Variants in SLC6A20 observed in about 807,000 individuals in gnomAD.
SLC6A20 encodes the protein sodium- and chloride-dependent transporter XTRP3.
A neutral mutation model predicts 64.3 loss-of-function variants in SLC6A20; 73 were observed. The ratio of observed to expected loss-of-function variants is 1.14; its 90% CI spans 0.94 to 1.38. SLC6A20 has a LOEUF of 1.38. Ranked by LOEUF, SLC6A20 falls within the 40% of genes most tolerant of loss-of-function variation. The pLI is 0.00. For missense variants in SLC6A20, 725 were observed against 772.8 expected, an observed-to-expected ratio of 0.94 and a Z score of 0.73; for synonymous variants, 347 against 329.6, an observed-to-expected ratio of 1.05 and a Z score of -0.57.
rs2125714890 is a variant in SLC6A20, at chr3:45,758,444, T to C, written c.*534A>G. 1.6e-6 allele frequency: 2 copies of C among 1,270,474 alleles called. No homozygotes were observed. Among genetic ancestry groups the C allele is most frequent in the South Asian group, 2.6e-5 (2 of 77,670 alleles). 78.7% of individuals were successfully genotyped at this position (1,270,474 alleles called of 1,614,324 possible). A position where few individuals can be genotyped will look rare whatever the true frequency, so the allele number is the denominator to read the frequency against. ...GACAAAGATCTTCTTTCTTTATAAC[T>C]TGTCATCCTAAGATTTAAAGGGTGG... On this transcript the variant is annotated 3_prime_UTR_variant, in exon 11 of 11. Coordinates refer to ENST00000358525, the MANE Select transcript of SLC6A20 (RefSeq NM_020208.4).
At chr3:45,783,850 G>C (rs1328205990) in intron 1 of SLC6A20, among the ~76,000 whole-genome samples, 4 of 152,196 alleles carry the variant, frequency 2.6e-5, no homozygotes, top group Admixed American at 2.6e-4. Flanking sequence ...TCTAGGCCAG[G>C]CTCCCTTCCT....
At position 45,756,621 on chromosome 3, in the gene SLC6A20, C is replaced by T. The variant is rs1699548007; in HGVS notation, c.*2357G>A. Reference sequence around the variant, plus strand: ...AAAATAAAAAGACATCTCCGGCCAACGTCCCAGGTGAGTGTTTGTGTCTTC... The same window carrying T: ...AAAATAAAAAGACATCTCCGGCCAATGTCCCAGGTGAGTGTTTGTGTCTTC... On this transcript the variant is annotated 3_prime_UTR_variant, in exon 11 of 11. Coordinates refer to ENST00000358525, the MANE Select transcript of SLC6A20 (RefSeq NM_020208.4). 1 of 152,144 alleles carries T rather than the reference C, an allele frequency of 6.6e-6. No individual in the cohort carries two copies. The allele number at this position is 152,144 out of a possible 1,614,324, so 9.4% of individuals were successfully genotyped here.
intron 8 of SLC6A20, among the ~76,000 whole-genome samples, chr3:45,764,808 C>T (rs1264055935): frequency 6.6e-6 from 1 of 151,148 alleles, no homozygotes; most frequent in Non-Finnish European, 1.5e-5. Flanking sequence ...TGTGAAGGAA[C>T]TGTCTAGGGT....
chr3:45,778,444 G>C (rs1700010735), intron 3 of SLC6A20, among the ~76,000 whole-genome samples: 1 of 152,208 alleles, frequency 6.6e-6, no homozygotes, highest in African/African-American at 2.4e-5. Context: ...GGGACTAAGG[G>C]ATAAGTCCAC....
intron 1 of SLC6A20, among the ~76,000 whole-genome samples, chr3:45,786,780 T>G (rs1194763874): frequency 6.6e-6 from 1 of 152,352 alleles, no homozygotes; most frequent in East Asian, 1.9e-4. Flanking sequence ...TCATTCCTTC[T>G]AAGTCCTGGA....
chr3:45,778,299 G>A (rs1408698822), intron 3 of SLC6A20, among the ~76,000 whole-genome samples: 2 of 152,164 alleles, frequency 1.3e-5, no homozygotes, highest in Non-Finnish European at 2.9e-5. Flanking sequence ...CTCGTGGGGT[G>A]GCTGTTTTGA....
At chr3:45,767,012 A>G (rs1445561620) in intron 7 of SLC6A20, among the ~76,000 whole-genome samples, 1 of 152,242 alleles carries the variant, frequency 6.6e-6, no homozygotes, top group Non-Finnish European at 1.5e-5. Flanking sequence ...ACGTTGTTTA[A>G]GCCACCCAGC....
At chr3:45,767,251 C>G (rs1436620984) in intron 7 of SLC6A20, among the ~76,000 whole-genome samples, 2 of 152,180 alleles carry the variant, frequency 1.3e-5, no homozygotes, top group Non-Finnish European at 2.9e-5. Flanking sequence ...AAATACTGCT[C>G]TCCTTCTCTT....
intron 2 of SLC6A20, among the ~76,000 whole-genome samples, chr3:45,780,870 C>A (rs938448312): frequency 1.3e-5 from 2 of 152,212 alleles, no homozygotes; most frequent in African/African-American, 4.8e-5. Context: ...TCCCCACCCC[C>A]ACTCCACTCT....
At chr3:45,777,811 A>C (rs1201603487) in intron 3 of SLC6A20, among the ~76,000 whole-genome samples, 1 of 152,146 alleles carries the variant, frequency 6.6e-6, no homozygotes, top group Non-Finnish European at 1.5e-5. Flanking sequence ...TGTTCCCTGG[A>C]CTACCTGCTG....
chr3:45,784,472 G>T (rs1700142143), intron 1 of SLC6A20, among the ~76,000 whole-genome samples: 1 of 152,104 alleles, frequency 6.6e-6, no homozygotes, highest in Non-Finnish European at 1.5e-5. Context: ...AATGTTAAAA[G>T]CACTATCTAT....
intron 9 of SLC6A20, among the ~76,000 whole-genome samples, chr3:45,760,720 C>T (rs566667728): frequency 1.1e-3 from 173 of 152,324 alleles, no homozygotes; most frequent in Non-Finnish European, 1.9e-3. Flanking sequence ...AGTTTCTCAT[C>T]GACTTGACAA....
chr3:45,781,998 C>T (rs1182141392), intron 2 of SLC6A20, 85 bp downstream of exon 2: 4 of 1,451,466 alleles, frequency 2.8e-6, no homozygotes, highest in Admixed American at 2.7e-5. Flanking sequence ...CCCCTTGATC[C>T]AGCAGCTTTG....
chr3:45,761,220 A>G (rs1407928394), intron 9 of SLC6A20, among the ~76,000 whole-genome samples: 1 of 121,578 alleles, frequency 8.2e-6, no homozygotes. Flanking sequence ...TCACACCCCC[A>G]TAACCCCCCC....
At position 45,772,540 on chromosome 3, in the gene SLC6A20, C is replaced by T. The variant is rs1314951613; in HGVS notation, c.658G>A (p.Ala220Thr). The change falls in exon 5 of 11, where the codon GCC becomes ACC. Residue 220 changes from alanine (A) to threonine (T), a missense_variant. Coordinates refer to ENST00000358525, the MANE Select transcript of SLC6A20 (RefSeq NM_020208.4). ...AACATGTACATGAGGCCATTGGTGG[C>T]TCCGTGGAGCGTGAGGCCCCTGATG... ...YLIRGLTLHG[A>T]TNGLMYMFTP... 4 of 1,614,002 alleles carry T rather than the reference C, an allele frequency of 2.5e-6. No homozygotes were observed. Among genetic ancestry groups the T allele is most frequent in the Middle Eastern group, 1.7e-4 (1 of 6,058 alleles).
intron 1 of SLC6A20, among the ~76,000 whole-genome samples, chr3:45,788,058 G>C (rs1260122874): frequency 6.6e-6 from 1 of 152,100 alleles, no homozygotes; most frequent in Non-Finnish European, 1.5e-5. Context: ...CAATCCTGCT[G>C]CCTCAGCCCC....
intron 9 of SLC6A20, among the ~76,000 whole-genome samples, chr3:45,762,336 G>A (rs922067775): frequency 6.6e-6 from 1 of 152,228 alleles, no homozygotes; most frequent in Non-Finnish European, 1.5e-5. Context: ...AACCCTGGGG[G>A]TGAGTCTCAC....
At chr3:45,781,736 A>G (rs959990766) in intron 2 of SLC6A20, among the ~76,000 whole-genome samples, 2 of 152,194 alleles carry the variant, frequency 1.3e-5, no homozygotes, top group Non-Finnish European at 2.9e-5. Context: ...TTTAGCAGGG[A>G]GAAGTTGGTG....
intron 7 of SLC6A20, among the ~76,000 whole-genome samples, chr3:45,768,262 G>A (rs1436084357): frequency 2.0e-5 from 3 of 151,382 alleles, no homozygotes; most frequent in Admixed American, 6.6e-5. Flanking sequence ...ATTTCAAGAA[G>A]AGAAATCAAG....
Sources: gnomAD v4.1 joint callset for allele counts (sites outside exome capture counted in the v4.1 genomes callset) on GRCh38, gnomAD v4.1.1 for gene constraint, MANE v1.5 for transcripts, NCBI Gene and HGNC (gene_info 2026-07-23, HGNC 2026-07-21) for gene names.